The following ZAN variants were observed in gnomAD, a reference collection of about 807,000 sequenced individuals.
ZAN encodes the protein zonadhesin.
ZAN carries 260 observed loss-of-function variants against 286.2 expected under a neutral mutation model. The observed-to-expected ratio is 0.91, with a 90% CI of 0.82 to 1.01. The LOEUF (loss-of-function observed/expected upper bound fraction) is 1.01, where lower values mean the gene tolerates loss of function less well. ZAN is among the 50% of genes least tolerant of loss of function. The pLI is 0.00. For missense variants in ZAN, 3,410 were observed against 3,639.2 expected, an observed-to-expected ratio of 0.94 and a Z score of 1.62; for synonymous variants, 1,368 against 1,417.5, an observed-to-expected ratio of 0.97 and a Z score of 0.79.
chr7:100,791,998 C>T lies in ZAN; in HGVS notation c.7562C>T (p.Ala2521Val), dbSNP rs567990205. ...AIPAEEEGQG[A>V]ELGLRTGLQV... Reference sequence around the variant, plus strand: ...CCAGCGGAGGAGGAGGGACAAGGGGCGGAGCTGGGCCTCCGCACGGGCCTC... The same window carrying T: ...CCAGCGGAGGAGGAGGGACAAGGGGTGGAGCTGGGCCTCCGCACGGGCCTC... Residue 2521 changes from alanine (A) to valine (V), a missense_variant, in exon 41 of 48, where the codon GCG becomes GTG. Physicochemically the swap from Ala to Val is moderately conservative, Grantham distance 64. Around this residue, in one of 7 missense-constraint regions of ZAN, gnomAD observed 1,289 missense variants for 1,314.3 expected, o/e 0.98. Coordinates refer to ENST00000613979, the MANE Select transcript of ZAN (RefSeq NM_003386.3). The T allele has an allele frequency of 2.4e-5, 39 of 1,613,036 alleles. No individual in the cohort carries two copies. The highest frequency in any genetic ancestry group is 5.3e-5 in the African/African-American group (4 of 75,036).
chr7:100,780,764 C>A (rs958445821), intron 35 of ZAN, among the ~76,000 whole-genome samples: 1 of 151,950 alleles, frequency 6.6e-6, no homozygotes, highest in Non-Finnish European at 1.5e-5. Flanking sequence ...TTTCCCAAGA[C>A]CACTTATTTA....
rs764561138 is a variant in ZAN at position 100,759,789 on chromosome 7, G to A, written c.3640G>A (p.Val1214Ile). The A allele has an allele frequency of 1.2e-6, 2 of 1,607,764 alleles. No homozygotes were observed. The highest frequency in any genetic ancestry group is 1.1e-5 in the South Asian group (1 of 89,304). The change falls in exon 18 of 48, where the codon GTC (valine) becomes ATC (isoleucine). Residue 1214 changes from valine (V) to isoleucine (I), a missense_variant. This residue lies in a region of ZAN where 1,042 missense variants were observed against 1,058.0 expected (regional missense o/e 0.98). Transcript: ENST00000613979. ...GGAAGGCGTGTCCTGCCTGAGCAAA[G>A]TCTACGTGACCCTGCCCGAGAGCAC... is the stretch of plus-strand genomic sequence containing the variant. ...GQEGVSCLSK[V>I]YVTLPESTVT...
At chr7:100,777,753 T>C (rs1810917848) in intron 34 of ZAN, among the ~76,000 whole-genome samples, 1 of 151,892 alleles carries the variant, frequency 6.6e-6, no homozygotes, top group Admixed American at 6.6e-5. Context: ...TTTTTTCTTC[T>C]TCAATTTTTA....
At position 100,794,279 on chromosome 7, in the gene ZAN, G is replaced by A. The variant is rs367861078; in HGVS notation, c.8125+21G>A. On this transcript the variant is annotated intron_variant, in intron 44 of 47. Coordinates refer to ENST00000613979, the MANE Select transcript of ZAN (RefSeq NM_003386.3). ...TCCAGGTGAACCTGCACTCCTGCCC[G>A]GTTCCAAGCTGCCCCATGCCCTGGG... 3.4e-5 allele frequency: 53 copies of A among 1,575,052 alleles called. No homozygotes were observed. The East Asian group carries it at 4.0e-4, about 12-fold the overall frequency.
intron 42 of ZAN, among the ~76,000 whole-genome samples, chr7:100,792,994 A>AAAAAAAAAAAAAAAAAAAG (rs1554412977): frequency 8.3e-6 from 1 of 120,150 alleles, no homozygotes; most frequent in African/African-American, 3.0e-5. Context: ...AAAAAAAAAA[A>AAAAAAAAAAAAAAAAAAAG]AAAGAAAGAA....
Position 100,797,539 on chromosome 7 carries a change from C to T in ZAN, c.8367-38C>T, listed in dbSNP as rs573205166. Reference sequence around the variant, plus strand: ...GGAAGCGGCTGGGCCCGTAAAGGGCCACTTGGGGACCCATGTCTATTCCCC... The same window carrying T: ...GGAAGCGGCTGGGCCCGTAAAGGGCTACTTGGGGACCCATGTCTATTCCCC... On this transcript the variant is annotated intron_variant, in intron 46 of 47. Coordinates refer to ENST00000613979, the MANE Select transcript of ZAN (RefSeq NM_003386.3). The T allele has an allele frequency of 6.3e-5, 101 of 1,613,556 alleles. No homozygotes were observed. In the South Asian group the frequency reaches 1.1e-3, roughly 17 times the overall value.
Position 100,736,681 on chromosome 7 carries a change from C to T in ZAN, c.253+52C>T, listed in dbSNP as rs188430043. ...CATGAGCAGGGAGGTGGCTGGGAGG[C>T]GGGAGTGGCTAGATGGAGAGAGAAG... On this transcript the variant is annotated intron_variant, in intron 4 of 47. Coordinates refer to ENST00000613979, the MANE Select transcript of ZAN (RefSeq NM_003386.3). 8,606 of 1,507,774 alleles carry T rather than the reference C, an allele frequency of 5.7e-3. 1,592 individuals are homozygous for T. The highest frequency in any genetic ancestry group is 6.9e-3 in the Non-Finnish European group (7,582 of 1,101,194). The allele number at this position is 1,507,774 out of a possible 1,614,324, so 93.4% of individuals were successfully genotyped here. A position where few individuals can be genotyped will look rare whatever the true frequency, so the allele number is the denominator to read the frequency against.
chr7:100,784,837 G>C lies in ZAN; in HGVS notation c.6834+3G>C. On this transcript the variant is annotated splice_donor_region_variant and intron_variant, in intron 36 of 47. Transcript: ENST00000613979. Reference sequence around the variant, plus strand: ...ATGCCCATGGTGGCTCCATCCCTGTGAGTGGGCATGGGAAATGGGACTGGA... The same window carrying C: ...ATGCCCATGGTGGCTCCATCCCTGTCAGTGGGCATGGGAAATGGGACTGGA... The C allele has an allele frequency of 6.3e-7, 1 of 1,584,984 alleles. No homozygotes were observed. Among genetic ancestry groups the C allele is most frequent in the Non-Finnish European group, 8.6e-7 (1 of 1,163,106 alleles).
intron 35 of ZAN, among the ~76,000 whole-genome samples, chr7:100,783,759 A>AGT (rs1407846745): frequency 5.2e-5 from 1 of 19,204 alleles, no homozygotes; most frequent in Non-Finnish European, 8.5e-5. Context: ...AAAAAAAAAA[A>AGT]AAAAATATAT....
chr7:100,761,206 T>C (rs1012595620), intron 19 of ZAN, among the ~76,000 whole-genome samples: 1 of 152,122 alleles, frequency 6.6e-6, no homozygotes, highest in Admixed American at 6.6e-5. Context: ...AAAGACTTTA[T>C]AAAAATACTT....
At chr7:100,753,607 G>A (rs1677057316) in intron 14 of ZAN, among the ~76,000 whole-genome samples, 1 of 151,716 alleles carries the variant, frequency 6.6e-6, no homozygotes, top group African/African-American at 2.4e-5. Flanking sequence ...AGGGTTGCTT[G>A]AGCTCAGGAG....
chr7:100,737,359 T>C lies in ZAN; in HGVS notation c.613+10T>C, dbSNP rs757017365. The C allele has an allele frequency of 1.4e-6, 2 of 1,432,152 alleles. No homozygotes were observed. Among genetic ancestry groups the C allele is most frequent in the African/African-American group, 2.9e-5 (2 of 68,506 alleles). 88.7% of individuals were successfully genotyped at this position (1,432,152 alleles called of 1,614,324 possible). ...GGCTCCTGTAATCGCGGTGAGTCCC[T>C]GTCCCTCCTCCCGCCTGCCCTCGGA... is the stretch of plus-strand genomic sequence containing the variant. On this transcript the variant is annotated intron_variant, in intron 6 of 47. Transcript: ENST00000613979.
At chr7:100,749,824 G>T (rs1395480634) in intron 11 of ZAN, among the ~76,000 whole-genome samples, 1 of 151,182 alleles carries the variant, frequency 6.6e-6, no homozygotes, top group East Asian at 2.0e-4. Flanking sequence ...GCTGAGACGG[G>T]TGGATCACTT....
In ZAN at chr7:100,779,455, T is replaced by A; in HGVS notation, c.6327T>A (p.Ser2109Arg). The change falls in exon 35 of 48, where the codon AGT becomes AGA. Residue 2109 changes from serine (S) to arginine (R), a missense_variant. Ser to Arg is a moderately radical substitution (Grantham distance 110, BLOSUM62 -1). Around this residue, in one of 7 missense-constraint regions of ZAN, gnomAD observed 1,289 missense variants for 1,314.3 expected, o/e 0.98. Transcript: ENST00000613979. ...KDKDIDPSCQSLLVDEQQIPA... is the reference protein window; with the variant it reads ...KDKDIDPSCQRLLVDEQQIPA... ...TCTTTTCCCTTCCCAGTTGTCAGAG[T>A]CTCCTGGTAGATGAGCAGCAGATTC... is the stretch of plus-strand genomic sequence containing the variant. 1.2e-6 allele frequency: 2 copies of A among 1,602,490 alleles called. No homozygotes were observed. The highest frequency in any genetic ancestry group is 8.5e-7 in the Non-Finnish European group (1 of 1,173,164).
At position 100,788,276 on chromosome 7, in the gene ZAN, C is replaced by T. The variant is rs192515169; in HGVS notation, c.7227+140C>T. ...GGTTGTAAAATCAGAGTCAGCAGGA[C>T]GCAGTGGTTCACGCCTGTAATCTCA... is the stretch of plus-strand genomic sequence containing the variant. On this transcript the variant is annotated intron_variant, in intron 38 of 47. Coordinates refer to ENST00000613979, the MANE Select transcript of ZAN (RefSeq NM_003386.3). 7.4e-5 allele frequency: 92 copies of T among 1,242,484 alleles called. No homozygotes were observed. The East Asian group carries it at 1.6e-3, about 21-fold the overall frequency. 77.0% of individuals were successfully genotyped at this position (1,242,484 alleles called of 1,614,324 possible). A position where few individuals can be genotyped will look rare whatever the true frequency, so the allele number is the denominator to read the frequency against.
In ZAN at chr7:100,768,534, C is replaced by G; in HGVS notation, c.5042-76C>G. 2.5e-6 allele frequency: 3 copies of G among 1,223,794 alleles called. No individual in the cohort carries two copies. The South Asian group carries it at 4.4e-5, about 18-fold the overall frequency. The allele number at this position is 1,223,794 out of a possible 1,614,324, so 75.8% of individuals were successfully genotyped here. On this transcript the variant is annotated intron_variant, in intron 26 of 47. Coordinates refer to ENST00000613979, the MANE Select transcript of ZAN (RefSeq NM_003386.3). ...CTATGTAGAATGAAAAGTGAGGGTG[C>G]CAGGAGGATGGTGGCCCTGGGGCCT...
At chr7:100,795,057 G>A in intron 44 of ZAN, 139 bp from the exon 45 acceptor site, 2 of 1,086,546 alleles carry the variant, frequency 1.8e-6, no homozygotes, top group East Asian at 3.0e-5. Context: ...GCAGGGTTGG[G>A]AGCCAGGCTG....
In ZAN at chr7:100,752,381, C is replaced by G; in HGVS notation, c.2276C>G (p.Pro759Arg). The change falls in exon 14 of 48, where the codon CCC becomes CGC. Residue 759 changes from proline to arginine, a missense_variant. Pro to Arg is a moderately radical substitution (Grantham distance 103). Around this residue, in one of 7 missense-constraint regions of ZAN, gnomAD observed 39 missense variants for 76.9 expected, o/e 0.51. Transcript: ENST00000613979. ...AAACCCACCATCTCCCCAGAAAAAC[C>G]CACCACCCCCACAGAAAAACCCACC... is the stretch of plus-strand genomic sequence containing the variant. ...TEKPTISPEK[P>R]TTPTEKPTIS... 1 of 1,560,082 alleles carries G rather than the reference C, an allele frequency of 6.4e-7. No individual in the cohort carries two copies. The highest frequency in any genetic ancestry group is 2.4e-5 in the East Asian group (1 of 41,772).
intron 14 of ZAN, 97 bp downstream of exon 14, chr7:100,753,326 TTGCTTCTAGA>T (rs1397859328): frequency 2.2e-6 from 3 of 1,333,480 alleles, no homozygotes; most frequent in Non-Finnish European, 2.0e-6. Flanking sequence ...AGCCTTCTAG[TTGCTTCTAGA>T]TGCTTCTAGT....
Sources: gnomAD v4.1 joint callset for allele counts (sites outside exome capture counted in the v4.1 genomes callset) on GRCh38, gnomAD v4.1.1 for gene constraint, gnomAD v4.1.1 regional missense constraint, MANE v1.5 for transcripts, NCBI Gene and HGNC (gene_info 2026-07-23, HGNC 2026-07-21) for gene names.